GNG4: variants seen among roughly 807,000 people sequenced by gnomAD.
GNG4 encodes the protein guanine nucleotide-binding protein G(I)/G(S)/G(O) subunit gamma-4.
GNG4 carries 4 observed loss-of-function variants against 5.8 expected under a neutral mutation model. The observed-to-expected ratio is 0.69, with a 90% CI of 0.34 to 1.57. The LOEUF (loss-of-function observed/expected upper bound fraction) is 1.57, where lower values mean the gene tolerates loss of function less well. Among genes scored for constraint, GNG4 ranks in the 40% most tolerant of loss-of-function variants. The pLI is 0.06. For missense variants in GNG4, 96 were observed against 95.1 expected (o/e 1.01, Z -0.04); for synonymous variants, 29 against 32.9 (o/e 0.88, Z 0.41).
intron 3 of GNG4, among the ~76,000 whole-genome samples, chr1:235,561,417 TAC>T (rs1345559273): frequency 6.6e-6 from 1 of 152,054 alleles, no homozygotes; most frequent in African/African-American, 2.4e-5. Flanking sequence ...TCTATATATA[TAC>T]ATTTTTTTTT....
At chr1:235,650,339 G>C (rs1458281176), upstream of GNG4, among the ~76,000 whole-genome samples, 3 of 118,302 alleles carry the variant, frequency 2.5e-5, no homozygotes, top group African/African-American at 8.8e-5. Context: ...GAAATCACCG[G>C]AGGGGTCTGG....
intron 3 of GNG4, among the ~76,000 whole-genome samples, chr1:235,554,772 G>A (rs1686853205): frequency 6.6e-6 from 1 of 151,130 alleles, no homozygotes; most frequent in Admixed American, 6.6e-5. Flanking sequence ...TTGAACTCGG[G>A]AGTTGGAAGT....
rs553175038 is a variant in GNG4, at chr1:235,616,905, A to ATTT, written c.-122-21397_-122-21395dup. Among the ~76,000 whole-genome samples the ATTT allele has an allele frequency of 9.2e-3, 1,068 of 115,742 alleles. 26 individuals are homozygous for ATTT. The highest frequency in any genetic ancestry group is 0.03 in the East Asian group (119 of 3,950). 75.9% of individuals were successfully genotyped at this position (115,742 alleles called of 152,430 possible). On this transcript the variant is annotated intron_variant, in intron 1 of 3. Transcript: ENST00000391854. ...AGGCACCCACAAACACACCTGGCTAATTTTTTTTTTTTTTTTTTTTTCAGT... is the reference window on the plus strand; with the variant it reads ...AGGCACCCACAAACACACCTGGCTAATTTTTTTTTTTTTTTTTTTTTTTTCAGT...
intron 2 of GNG4, among the ~76,000 whole-genome samples, chr1:235,591,615 C>T (rs1687966106): frequency 6.6e-6 from 1 of 152,192 alleles, no homozygotes; most frequent in Non-Finnish European, 1.5e-5. Flanking sequence ...GACATTCATG[C>T]GTCTGCACAT....
At chr1:235,633,826 T>G (rs1480622504) in intron 1 of GNG4, among the ~76,000 whole-genome samples, 1 of 151,924 alleles carries the variant, frequency 6.6e-6, no homozygotes, top group Non-Finnish European at 1.5e-5. Flanking sequence ...TGGTGGTGGG[T>G]GAAGAAGCAG....
At chr1:235,557,383 G>C (rs540198834) in intron 3 of GNG4, among the ~76,000 whole-genome samples, 1 of 152,206 alleles carries the variant, frequency 6.6e-6, no homozygotes, top group Non-Finnish European at 1.5e-5. Flanking sequence ...CTCCCACCTA[G>C]AGTGTCTTAG....
intron 3 of GNG4, among the ~76,000 whole-genome samples, chr1:235,562,485 A>C (rs1295527930): frequency 6.6e-6 from 1 of 151,826 alleles, no homozygotes; most frequent in Non-Finnish European, 1.5e-5. Context: ...CATCTCTACT[A>C]AAAATACAAA....
intron 1 of GNG4, among the ~76,000 whole-genome samples, chr1:235,631,997 G>T (rs1326177983): frequency 8.5e-5 from 13 of 152,246 alleles, no homozygotes; most frequent in Admixed American, 8.5e-4. Flanking sequence ...GGGCCTGGGA[G>T]GTCACCAGCA....
intron 1 of GNG4, among the ~76,000 whole-genome samples, chr1:235,635,451 G>A (rs899543380): frequency 3.3e-5 from 5 of 151,872 alleles, no homozygotes; most frequent in Non-Finnish European, 4.4e-5. Context: ...AGCTGAGATC[G>A]CACCACTGGA....
intron 2 of GNG4, among the ~76,000 whole-genome samples, chr1:235,588,574 G>A (rs1481860227): frequency 1.3e-5 from 2 of 151,968 alleles, no homozygotes; most frequent in Non-Finnish European, 2.9e-5. Flanking sequence ...TCACGAAGGG[G>A]CTGCTCAGCG....
rs182094022 is a variant in GNG4, at chr1:235,625,624, G to A, written c.-123+24038C>T. 1.0e-3 allele frequency among the ~76,000 whole-genome samples: 156 copies of A among 152,282 alleles called. 1 individual carries two copies. The highest frequency in any genetic ancestry group is 4.3e-3 in the Admixed American group (65 of 15,292). Reference sequence around the variant, plus strand: ...AGGTGCCTCCACCACAGCAACCACTGATCTTTATACTGATTCCATAATTCT... The same window carrying A: ...AGGTGCCTCCACCACAGCAACCACTAATCTTTATACTGATTCCATAATTCT... On this transcript the variant is annotated intron_variant, in intron 1 of 3. Transcript: ENST00000391854.
chr1:235,588,307 C>T (rs1469750332), intron 2 of GNG4, among the ~76,000 whole-genome samples: 1 of 152,052 alleles, frequency 6.6e-6, no homozygotes, highest in Non-Finnish European at 1.5e-5. Flanking sequence ...CCTCCATGTG[C>T]GTCCACTCTC....
At chr1:235,613,129 A>C (rs1049383988) in intron 1 of GNG4, among the ~76,000 whole-genome samples, 1 of 152,126 alleles carries the variant, frequency 6.6e-6, no homozygotes, top group Non-Finnish European at 1.5e-5. Flanking sequence ...GGGGGTCACA[A>C]ACATTCAGAC....
At chr1:235,580,294 G>C (rs1687596936) in intron 3 of GNG4, among the ~76,000 whole-genome samples, 1 of 152,234 alleles carries the variant, frequency 6.6e-6, no homozygotes, top group African/African-American at 2.4e-5. Context: ...AATGGGTACA[G>C]AGTTTCTGTG....
At chr1:235,650,592 G>C (rs1286487130), upstream of GNG4, 1 of 152,260 alleles carries the variant, frequency 6.6e-6, no homozygotes, top group African/African-American at 2.4e-5. Flanking sequence ...CCCGGCGAAG[G>C]CTGACCCGAC....
intron 1 of GNG4, among the ~76,000 whole-genome samples, chr1:235,604,333 C>T (rs1571909035): frequency 6.6e-6 from 1 of 152,192 alleles, no homozygotes; most frequent in Non-Finnish European, 1.5e-5. Flanking sequence ...GGTAGTTGAG[C>T]GATGGCGTGG....
At chr1:235,619,392 C>A (rs1571916826) in intron 1 of GNG4, among the ~76,000 whole-genome samples, 1 of 151,732 alleles carries the variant, frequency 6.6e-6, no homozygotes. Flanking sequence ...GCAAGACTGT[C>A]TCAGGGAAAA....
In GNG4 at chr1:235,572,910, A is replaced by G. The variant is rs541218953; in HGVS notation, c.99+10830T>C. ...GACAGTATATATCTCTCTTTTGGCC[A>G]AGAGATTTTCAGTCCTTAGGAATTT... On this transcript the variant is annotated intron_variant, in intron 3 of 3. Transcript: ENST00000391854. 3.9e-5 allele frequency among the ~76,000 whole-genome samples: 6 copies of G among 152,310 alleles called. No homozygotes were observed. The South Asian group carries it at 1.2e-3, about 32-fold the overall frequency.
intron 1 of GNG4, among the ~76,000 whole-genome samples, chr1:235,633,199 C>G (rs1199716794): frequency 1.3e-5 from 2 of 152,200 alleles, no homozygotes; most frequent in African/African-American, 4.8e-5. Flanking sequence ...CAGCCTGCTG[C>G]TGGTCCCTGC....
Sources: gnomAD v4.1 joint callset for allele counts (sites outside exome capture counted in the v4.1 genomes callset) on GRCh38, gnomAD v4.1.1 for gene constraint, MANE v1.5 for transcripts, NCBI Gene and HGNC (gene_info 2026-07-23, HGNC 2026-07-21) for gene names.